DCDC1: variants seen among roughly 807,000 people sequenced by gnomAD.
The protein encoded by DCDC1 is doublecortin domain containing 1.
A neutral mutation model predicts 178.3 loss-of-function variants in DCDC1; 200 were observed. The observed-to-expected ratio is 1.12, with a 90% CI of 1.00 to 1.26. The LOEUF (loss-of-function observed/expected upper bound fraction) is 1.26, where lower values mean the gene tolerates loss of function less well. Among genes scored for constraint, DCDC1 ranks in the 50% most tolerant of loss-of-function variants. DCDC1 has a pLI of 0.00. For missense variants in DCDC1, 1,983 were observed against 1,749.2 expected (o/e 1.13, Z -2.38); for synonymous variants, 690 against 604.8 (o/e 1.14, Z -2.07).
intron 9 of DCDC1, among the ~76,000 whole-genome samples, chr11:31,201,841 A>G (rs1163491546): frequency 6.6e-6 from 1 of 152,200 alleles, no homozygotes; most frequent in African/African-American, 2.4e-5. Context: ...CAAAGTGAAC[A>G]AATTAGACAA....
intron 20 of DCDC1, among the ~76,000 whole-genome samples, chr11:31,033,532 G>C (rs1953811915): frequency 6.6e-6 from 1 of 151,806 alleles, no homozygotes; most frequent in Admixed American, 6.6e-5. Flanking sequence ...ATAAATTCAT[G>C]AATATTTATC....
intron 6 of DCDC1, among the ~76,000 whole-genome samples, chr11:31,302,372 C>G (rs899526982): frequency 6.6e-6 from 1 of 152,102 alleles, no homozygotes. Context: ...AAAACCTAAA[C>G]CACATGGCCA....
chr11:31,362,412 G>A (rs758989920), intron 1 of DCDC1, among the ~76,000 whole-genome samples: 5 of 151,992 alleles, frequency 3.3e-5, no homozygotes, highest in South Asian at 2.1e-4. Flanking sequence ...TAATGCTCCC[G>A]CTTCACCTGC....
intron 21 of DCDC1, among the ~76,000 whole-genome samples, chr11:30,947,255 T>C (rs1164473582): frequency 1.3e-5 from 2 of 152,176 alleles, no homozygotes; most frequent in Admixed American, 6.6e-5. Flanking sequence ...AATAAGGTCT[T>C]GTGTGCACCT....
chr11:31,061,071 A>G (rs1173905416), intron 20 of DCDC1, among the ~76,000 whole-genome samples: 1 of 152,144 alleles, frequency 6.6e-6, no homozygotes, highest in Non-Finnish European at 1.5e-5. Flanking sequence ...GCACTCCACA[A>G]AGTCACTAGT....
intron 9 of DCDC1, among the ~76,000 whole-genome samples, chr11:31,213,222 CACT>C: frequency 6.7e-6 from 1 of 148,514 alleles, no homozygotes; most frequent in Non-Finnish European, 1.5e-5. Context: ...GCTCTTCAGT[CACT>C]TCACCCCAGT....
chr11:30,892,479 A>G (rs928027309), intron 36 of DCDC1, among the ~76,000 whole-genome samples: 1 of 152,100 alleles, frequency 6.6e-6, no homozygotes, highest in African/African-American at 2.4e-5. Flanking sequence ...TCTCAAATAA[A>G]TAAATAATGT....
chr11:31,191,328 G>C (rs1970105939), intron 9 of DCDC1, among the ~76,000 whole-genome samples: 1 of 151,818 alleles, frequency 6.6e-6, no homozygotes, highest in Non-Finnish European at 1.5e-5. Context: ...TTTTGTTTCT[G>C]GTCTATCATT....
intron 21 of DCDC1, chr11:30,944,135 T>C (rs1947844650): frequency 3.0e-6 from 1 of 328,276 alleles, no homozygotes; most frequent in Admixed American, 3.9e-5. Context: ...CTAAATAAAC[T>C]GGCTCAATGC....
rs1293205889 is a variant in DCDC1, at chr11:30,952,530, T to C, written c.2630A>G (p.Gln877Arg). The stretch of plus-strand genomic sequence containing the variant: ...ATTTTCAACTCTAGAATGTTTCCAC[T>C]GGCCTGGCTTACTGGTTCCTTCATG... ...IKHEGTSKPG[Q>R]WKHSRVENPL... The change falls in exon 21 of 39, where the codon CAG becomes CGG. Residue 877 changes from glutamine to arginine, a missense_variant. By Grantham distance (43) the Gln-to-Arg change is conservative. Coordinates refer to ENST00000684477, the MANE Select transcript of DCDC1 (RefSeq NM_001387274.1). The C allele has an allele frequency of 7.0e-6, 11 of 1,572,498 alleles. No individual in the cohort carries two copies. The highest frequency in any genetic ancestry group is 7.8e-6 in the Non-Finnish European group (9 of 1,158,804).
At chr11:31,078,363 T>C (rs976305591) in intron 17 of DCDC1, among the ~76,000 whole-genome samples, 1 of 152,244 alleles carries the variant, frequency 6.6e-6, no homozygotes, top group East Asian at 1.9e-4. Flanking sequence ...GCTAGAGAAT[T>C]TTGTCAGGGA....
At chr11:31,271,357 C>G (rs1456543420) in intron 7 of DCDC1, among the ~76,000 whole-genome samples, 1 of 152,164 alleles carries the variant, frequency 6.6e-6, no homozygotes, top group Non-Finnish European at 1.5e-5. Context: ...CATGTATATT[C>G]ATCTACTGCT....
At chr11:31,341,952 G>A (rs1036667598) in intron 1 of DCDC1, among the ~76,000 whole-genome samples, 1 of 152,018 alleles carries the variant, frequency 6.6e-6, no homozygotes, top group Non-Finnish European at 1.5e-5. Context: ...AAACTTTCCT[G>A]AAGCAAGGAC....
intron 20 of DCDC1, among the ~76,000 whole-genome samples, chr11:30,983,763 G>C (rs999655459): frequency 1.3e-5 from 2 of 152,064 alleles, no homozygotes; most frequent in African/African-American, 4.8e-5. Context: ...TTAGAGTTTT[G>C]TGTACATTAC....
intron 9 of DCDC1, among the ~76,000 whole-genome samples, chr11:31,213,591 G>C (rs564103043): frequency 2.0e-5 from 3 of 151,888 alleles, no homozygotes; most frequent in Non-Finnish European, 2.9e-5. Context: ...GTGGTGGCGG[G>C]CACCTGTAAT....
intron 2 of DCDC1, among the ~76,000 whole-genome samples, chr11:31,331,518 T>C (rs949277210): frequency 3.3e-5 from 5 of 152,206 alleles, no homozygotes; most frequent in Non-Finnish European, 7.3e-5. Flanking sequence ...GGCTGGGGGT[T>C]TGTCATAAAT....
chr11:31,221,658 C>T (rs1482390011), intron 9 of DCDC1, among the ~76,000 whole-genome samples: 1 of 152,174 alleles, frequency 6.6e-6, no homozygotes, highest in Admixed American at 6.5e-5. Flanking sequence ...TGGCATAACC[C>T]CATCTCCATT....
At chr11:31,186,318 C>T (rs1311740988) in intron 9 of DCDC1, among the ~76,000 whole-genome samples, 3 of 152,116 alleles carry the variant, frequency 2.0e-5, no homozygotes, top group African/African-American at 7.2e-5. Flanking sequence ...GTTCCTTATT[C>T]CCCCAGCTTG....
chr11:30,961,928 G>A (rs1236656599), intron 20 of DCDC1, among the ~76,000 whole-genome samples: 6 of 151,976 alleles, frequency 3.9e-5, no homozygotes, highest in African/African-American at 1.4e-4. Flanking sequence ...GGAACTACAT[G>A]CACAAGCTGG....
Sources: allele counts gnomAD v4.1 joint callset (sites outside exome capture counted in the v4.1 genomes callset), GRCh38; gene constraint gnomAD v4.1.1; transcripts MANE v1.5; gene names NCBI Gene and HGNC (gene_info 2026-07-23, HGNC 2026-07-21).